Variants in ODAD3 observed in about 807,000 individuals in gnomAD.
The protein encoded by ODAD3 is outer dynein arm docking complex subunit 3.
A neutral mutation model predicts 70.9 loss-of-function variants in ODAD3; 57 were observed. That is an observed-to-expected ratio of 0.80 (90% CI 0.65 to 1.00). The LOEUF is 1.00. ODAD3 is among the 50% of genes least tolerant of loss of function. ODAD3 has a pLI of 0.00. For missense variants in ODAD3, 797 were observed against 763.9 expected (o/e 1.04, Z -0.51); for synonymous variants, 327 against 315.9 (o/e 1.04, Z -0.37).
chr19:11,424,475 C>T (rs527688637), intron 7 of ODAD3, among the ~76,000 whole-genome samples: 4 of 146,244 alleles, frequency 2.7e-5, no homozygotes, highest in East Asian at 3.9e-4. Flanking sequence ...CGACAGAGAC[C>T]GTGTCTCAAA....
chr19:11,420,619 T>C lies in ODAD3; in HGVS notation c.*216A>G, dbSNP rs1489233905. 1.7e-6 allele frequency: 1 copy of C among 583,932 alleles called. No individual in the cohort carries two copies. Among genetic ancestry groups the C allele is most frequent in the Non-Finnish European group, 3.1e-6 (1 of 327,806 alleles). The allele number at this position is 583,932 out of a possible 1,614,324, so 36.2% of individuals were successfully genotyped here. A position where few individuals can be genotyped will look rare whatever the true frequency, so the allele number is the denominator to read the frequency against. ...ATACCCAGGGGCATGGTCGGTAACA[T>C]TTATTGCGCAACTCTGAGGCCGGGG... On this transcript the variant is annotated 3_prime_UTR_variant, in exon 13 of 13. Coordinates refer to ENST00000356392, the MANE Select transcript of ODAD3 (RefSeq NM_145045.5).
chr19:11,425,573 ATG>A (rs1283232571), intron 7 of ODAD3, among the ~76,000 whole-genome samples: 2 of 126,386 alleles, frequency 1.6e-5, no homozygotes, highest in Non-Finnish European at 3.1e-5. Flanking sequence ...GTGTGTATGT[ATG>A]TATATATGTA....
Position 11,430,740 on chromosome 19 carries a change from A to C in ODAD3, c.403T>G (p.Trp135Gly), listed in dbSNP as rs199709921. ...EKVVQAVIRE[W>G]KWEKPYLKNR... ...TTCAGGTATGGCTTCTCCCACTTCC[A>C]TTCGCGAATCACTGCCTGGACCACT... The change falls in exon 3 of 13, where the codon TGG becomes GGG. Residue 135 changes from tryptophan to glycine, a missense_variant. By Grantham distance (184) the Trp-to-Gly change is radical. Transcript: ENST00000356392. 6 of 1,613,968 alleles carry C rather than the reference A, an allele frequency of 3.7e-6. No homozygotes were observed. Among genetic ancestry groups the C allele is most frequent in the Non-Finnish European group, 8.5e-7 (1 of 1,179,980 alleles).
At chr19:11,424,523 GTA>G (rs1337572767) in intron 7 of ODAD3, among the ~76,000 whole-genome samples, 2 of 130,232 alleles carry the variant, frequency 1.5e-5, no homozygotes, top group East Asian at 4.0e-4. Flanking sequence ...GTATATATAT[GTA>G]TATATGTATA....
In ODAD3 at chr19:11,426,980, G is replaced by A. The variant is rs909811532; in HGVS notation, c.505C>T (p.His169Tyr). Reference protein sequence around the residue: ...EKVKQQNALRHQVVLRQRRLE... With the variant: ...EKVKQQNALRYQVVLRQRRLE... ...CGCCTCTGCCGCAACACCACCTGGT[G>A]CCGCAGGGCGTTCTGCTGCTTCACC... The change falls in exon 4 of 13, where the codon CAC becomes TAC. Residue 169 changes from histidine (H) to tyrosine (Y), a missense_variant. Physicochemically the swap from His to Tyr is moderately conservative, Grantham distance 83 (BLOSUM62 2). Transcript: ENST00000356392. The A allele has an allele frequency of 3.7e-6, 6 of 1,606,740 alleles. No individual in the cohort carries two copies. The highest frequency in any genetic ancestry group is 5.1e-6 in the Non-Finnish European group (6 of 1,179,574).
rs568067207 is a variant in ODAD3 at position 11,421,903 on chromosome 19, G to A, written c.1435-71C>T. On this transcript the variant is annotated intron_variant, in intron 10 of 12. Coordinates refer to ENST00000356392, the MANE Select transcript of ODAD3 (RefSeq NM_145045.5). ...TTGGAAGGCTCCACCCAGGGGCGGG[G>A]CTTTTCTTTCGGGGGCGGGGCCTAG... The A allele has an allele frequency of 5.9e-6, 9 of 1,524,962 alleles. No homozygotes were observed. In the South Asian group the frequency reaches 7.5e-5, roughly 13 times the overall value. The allele number at this position is 1,524,962 out of a possible 1,614,324, so 94.5% of individuals were successfully genotyped here. A position where few individuals can be genotyped will look rare whatever the true frequency, so the allele number is the denominator to read the frequency against.
At chr19:11,433,465 C>T (rs953934127) in intron 1 of ODAD3, among the ~76,000 whole-genome samples, 7 of 152,356 alleles carry the variant, frequency 4.6e-5, no homozygotes, top group Admixed American at 2.6e-4. Flanking sequence ...TGCTATGTGC[C>T]AGGCACTGTT....
At chr19:11,434,699 AC>A in intron 1 of ODAD3, 73 bp downstream of exon 1, 1 of 1,518,016 alleles carries the variant, frequency 6.6e-7, no homozygotes, top group Non-Finnish European at 8.9e-7. Context: ...CTGGAGAAAT[AC>A]CTTTGTCACA....
chr19:11,422,322 C>T lies in ODAD3; in HGVS notation c.1434+149G>A. On this transcript the variant is annotated intron_variant, in intron 10 of 12. Transcript: ENST00000356392. This position sits in a 1 kb window ranked among gnomAD's most constrained non-coding sequence, Gnocchi z 4.6. ...ACTCTGAGGAATGGGGTGGGGCTTCCCCTGTGGGCGGGGCCTCTGACGTCC... is the reference window on the plus strand; with the variant it reads ...ACTCTGAGGAATGGGGTGGGGCTTCTCCTGTGGGCGGGGCCTCTGACGTCC... 3.1e-6 allele frequency: 3 copies of T among 982,872 alleles called. No individual in the cohort carries two copies. In the South Asian group the frequency reaches 5.4e-5, roughly 18 times the overall value. 60.9% of individuals were successfully genotyped at this position (982,872 alleles called of 1,614,324 possible). A position where few individuals can be genotyped will look rare whatever the true frequency, so the allele number is the denominator to read the frequency against.
At chr19:11,425,339 A>ATG (rs1969307654) in intron 7 of ODAD3, among the ~76,000 whole-genome samples, 3 of 122,720 alleles carry the variant, frequency 2.4e-5, no homozygotes, top group Admixed American at 2.4e-4. Context: ...ATATGTGTAT[A>ATG]TATGTATATA....
chr19:11,430,983 C>G lies in ODAD3; in HGVS notation c.282G>C (p.Trp94Cys), dbSNP rs778008793. The change falls in exon 2 of 13, where the codon TGG (tryptophan) becomes TGC (cysteine). Residue 94 changes from tryptophan to cysteine, a missense_variant. Physicochemically the swap from Trp to Cys is radical, Grantham distance 215. Coordinates refer to ENST00000356392, the MANE Select transcript of ODAD3 (RefSeq NM_145045.5). ...DRKAFFESSQ[W>C]NIKKNQETIS... ...TGGTCTCCTGGTTCTTCTTGATGTT[C>G]CACTGAGAGCTCTCAAAAAAAGCCT... is the stretch of plus-strand genomic sequence containing the variant. The G allele has an allele frequency of 2.7e-5, 43 of 1,614,008 alleles. No homozygotes were observed. The highest frequency in any genetic ancestry group is 2.2e-4 in the Admixed American group (13 of 59,970).
In ODAD3 at chr19:11,424,701, AT is replaced by A. The variant is rs1192903519; in HGVS notation, c.964-673del. On this transcript the variant is annotated intron_variant, in intron 7 of 12. Transcript: ENST00000356392. ...TATATATACCTATGTGTATATATGT[AT>A]ATATGTGTATATATACCTATGTGTA... Among the ~76,000 whole-genome samples, 4 of 9,524 alleles carry A rather than the reference AT, an allele frequency of 4.2e-4. No individual in the cohort carries two copies. In the Admixed American group the frequency reaches 4.8e-3, roughly 11 times the overall value. 6.2% of individuals were successfully genotyped at this position (9,524 alleles called of 152,430 possible). A position where few individuals can be genotyped will look rare whatever the true frequency, so the allele number is the denominator to read the frequency against.
In ODAD3 at chr19:11,431,169, TG is replaced by T. The variant is rs769604723; in HGVS notation, c.245-150del. On this transcript the variant is annotated intron_variant, in intron 1 of 12. Coordinates refer to ENST00000356392, the MANE Select transcript of ODAD3 (RefSeq NM_145045.5). ...TCTTGTTGCCCAGGCTGCAGTGCAA[TG>T]GTGCAATCTCGGCTCACCACAGCCT... 10 of 999,438 alleles carry T rather than the reference TG, an allele frequency of 1.0e-5. No individual in the cohort carries two copies. The Admixed American group carries it at 2.6e-4, about 26-fold the overall frequency. 61.9% of individuals were successfully genotyped at this position (999,438 alleles called of 1,614,324 possible).
chr19:11,431,249 T>A, intron 1 of ODAD3: 1 of 513,390 alleles, frequency 1.9e-6, no homozygotes, highest in Non-Finnish European at 3.5e-6. Flanking sequence ...GTAGCTGGGA[T>A]TACAGGCATG....
chr19:11,435,612 CGG>C, upstream of ODAD3: 1 of 1,100,716 alleles, frequency 9.1e-7, no homozygotes, highest in South Asian at 1.3e-5. Flanking sequence ...CCGGAAGTGA[CGG>C]GGTCCAGAAA....
chr19:11,421,111 C>T lies in ODAD3; in HGVS notation c.1675+17G>A. The T allele has an allele frequency of 1.2e-6, 2 of 1,612,764 alleles. No homozygotes were observed. The highest frequency in any genetic ancestry group is 1.1e-5 in the South Asian group (1 of 90,892). On this transcript the variant is annotated intron_variant, in intron 12 of 12. Transcript: ENST00000356392. ...GGGGCCCCAACCGCACCCCTTCATC[C>T]CCCCACCCATACTGACCAAAAAACT... is the stretch of plus-strand genomic sequence containing the variant.
Position 11,420,796 on chromosome 19 carries a change from G to C in ODAD3, c.*39C>G. 6.4e-7 allele frequency: 1 copy of C among 1,553,802 alleles called. No individual in the cohort carries two copies. Among genetic ancestry groups the C allele is most frequent in the Non-Finnish European group, 8.9e-7 (1 of 1,125,780 alleles). On this transcript the variant is annotated 3_prime_UTR_variant, in exon 13 of 13. Transcript: ENST00000356392. ...CTGCGCTAGACCCGGAGGGATCGGG[G>C]GCTCCGAAGGGGGCCGCCTGGTGGG...
chr19:11,431,778 CAAA>C (rs34565793), intron 1 of ODAD3, among the ~76,000 whole-genome samples: 1 of 127,056 alleles, frequency 7.9e-6, no homozygotes. Context: ...ACTAAAAATA[CAAA>C]AAAAAAAAAA....
At chr19:11,425,805 C>A (rs982998413) in intron 7 of ODAD3, among the ~76,000 whole-genome samples, 2 of 150,810 alleles carry the variant, frequency 1.3e-5, no homozygotes, top group African/African-American at 4.9e-5. Flanking sequence ...AGTGAGGGGG[C>A]AGGGCCTTAG....
Sources: allele counts gnomAD v4.1 joint callset (sites outside exome capture counted in the v4.1 genomes callset), GRCh38; gene constraint gnomAD v4.1.1; non-coding constraint Gnocchi (gnomAD v3.1); transcripts MANE v1.5; gene names NCBI Gene and HGNC (gene_info 2026-07-23, HGNC 2026-07-21).